The following LRP1B variants were observed in gnomAD, a reference collection of about 807,000 sequenced individuals.
LRP1B encodes the protein low-density lipoprotein receptor-related protein 1B.
Under a neutral mutation model 556.6 loss-of-function variants are expected in LRP1B, and 217 were observed. That is an observed-to-expected ratio of 0.39 (90% CI 0.35 to 0.44). The LOEUF is 0.44. Among genes scored for constraint, LRP1B ranks in the 20% least tolerant of loss-of-function variants. LRP1B has a pLI of 1.00. For synonymous variants in LRP1B, 2,047 were observed against 1,865.8 expected (o/e 1.10, Z -2.50); for missense variants, 5,053 against 5,620.8 (o/e 0.90, Z 3.23).
chr2:141,994,605 G>T (rs918984055), intron 1 of LRP1B, among the ~76,000 whole-genome samples: 2 of 152,128 alleles, frequency 1.3e-5, no homozygotes, highest in African/African-American at 4.8e-5. Context: ...AATGGTGAGT[G>T]CAAGAGACTA....
chr2:140,716,606 A>G lies in LRP1B; in HGVS notation c.5893+76T>C, dbSNP rs578150005. 17 of 1,433,844 alleles carry G rather than the reference A, an allele frequency of 1.2e-5. No homozygotes were observed. The Admixed American group carries it at 3.9e-4, about 33-fold the overall frequency. The allele number at this position is 1,433,844 out of a possible 1,614,324, so 88.8% of individuals were successfully genotyped here. A position where few individuals can be genotyped will look rare whatever the true frequency, so the allele number is the denominator to read the frequency against. On this transcript the variant is annotated intron_variant, in intron 36 of 90. Transcript: ENST00000389484. Reference sequence around the variant, plus strand: ...ATAAAAGCACTGTTATGAGTTAGAAAAGATTTTTTATGAAGCAGTTTGAGC... The same window carrying G: ...ATAAAAGCACTGTTATGAGTTAGAAGAGATTTTTTATGAAGCAGTTTGAGC...
rs1270074160 is a variant in LRP1B, at chr2:140,456,519, C to T, written c.9899G>A (p.Cys3300Tyr). 1 of 1,613,372 alleles carries T rather than the reference C, an allele frequency of 6.2e-7. No individual in the cohort carries two copies. The highest frequency in any genetic ancestry group is 8.5e-7 in the Non-Finnish European group (1 of 1,179,546). Reference protein sequence around the residue: ...LAPGKTHTCACPTNFYLAADN... With the variant: ...LAPGKTHTCAYPTNFYLAADN... ...AGCTGCCAGATAGAAGTTAGTGGGA[C>T]ATGCACAAGTGTGGGTTTTTCCAGG... is the stretch of plus-strand genomic sequence containing the variant. Residue 3300 changes from cysteine to tyrosine, a missense_variant, in exon 62 of 91, where the codon TGT (cysteine) becomes TAT (tyrosine). Around this residue, in one of 5 missense-constraint regions of LRP1B, gnomAD observed 262 missense variants for 395.1 expected, o/e 0.66. Transcript: ENST00000389484.
At chr2:140,339,733 T>C (rs972800391) in intron 77 of LRP1B, among the ~76,000 whole-genome samples, 1 of 151,692 alleles carries the variant, frequency 6.6e-6, no homozygotes, top group Admixed American at 6.6e-5. Flanking sequence ...AGTAATGTTA[T>C]TAAAATATCC....
At chr2:140,749,358 CT>C (rs1283573333) in intron 35 of LRP1B, among the ~76,000 whole-genome samples, 3 of 141,540 alleles carry the variant, frequency 2.1e-5, no homozygotes, top group Admixed American at 7.2e-5. Flanking sequence ...AACTTTTTTC[CT>C]TTCTAAACTT....
At chr2:142,117,926 TA>T (rs1176546088) in intron 1 of LRP1B, among the ~76,000 whole-genome samples, 1 of 152,090 alleles carries the variant, frequency 6.6e-6, no homozygotes, top group Non-Finnish European at 1.5e-5. Flanking sequence ...TTTTAATCCA[TA>T]AAGATCAGTC....
At chr2:140,791,018 G>A (rs1331315378) in intron 32 of LRP1B, among the ~76,000 whole-genome samples, 2 of 151,590 alleles carry the variant, frequency 1.3e-5, no homozygotes, top group African/African-American at 4.9e-5. Context: ...GACTTTGGGA[G>A]GCCGAGGAGG....
chr2:140,336,685 A>G (rs1176607458), intron 77 of LRP1B, among the ~76,000 whole-genome samples: 4 of 151,922 alleles, frequency 2.6e-5, no homozygotes, highest in Non-Finnish European at 5.9e-5. Flanking sequence ...TCTGTTATTT[A>G]TCTTACATTT....
intron 3 of LRP1B, among the ~76,000 whole-genome samples, chr2:141,473,218 A>G (rs1682546408): frequency 6.6e-6 from 1 of 152,228 alleles, no homozygotes; most frequent in African/African-American, 2.4e-5. Flanking sequence ...AGTCCCTGAA[A>G]AAATGAACAT....
At chr2:140,737,138 C>A (rs1438196018) in intron 35 of LRP1B, among the ~76,000 whole-genome samples, 1 of 152,092 alleles carries the variant, frequency 6.6e-6, no homozygotes, top group Non-Finnish European at 1.5e-5. Context: ...AGATCTCAGA[C>A]CTAAATGAAT....
At chr2:141,167,244 T>C (rs1470759829) in intron 7 of LRP1B, 4 of 151,888 alleles carry the variant, frequency 2.6e-5, no homozygotes, top group Non-Finnish European at 4.4e-5. Context: ...AATGCAATTT[T>C]AATAAAAATA....
chr2:140,673,944 C>CTTTTTTTTTTT (rs150017745), intron 41 of LRP1B, among the ~76,000 whole-genome samples: 1 of 140,830 alleles, frequency 7.1e-6, no homozygotes, highest in Non-Finnish European at 1.6e-5. Flanking sequence ...TTTCTTTTTT[C>CTTTTTTTTTTT]TTTTTTTTTT....
intron 3 of LRP1B, among the ~76,000 whole-genome samples, chr2:141,403,199 T>C (rs1168561398): frequency 6.6e-6 from 1 of 152,084 alleles, no homozygotes; most frequent in Non-Finnish European, 1.5e-5. Context: ...GAAAAAAATA[T>C]CCACTAAACT....
intron 41 of LRP1B, among the ~76,000 whole-genome samples, chr2:140,605,456 C>T (rs1475121136): frequency 6.6e-6 from 1 of 152,130 alleles, no homozygotes; most frequent in Non-Finnish European, 1.5e-5. Context: ...ACACTACTTA[C>T]TGAAATTGTG....
chr2:141,924,269 T>G (rs1477397969), intron 1 of LRP1B, among the ~76,000 whole-genome samples: 1 of 151,970 alleles, frequency 6.6e-6, no homozygotes, highest in East Asian at 2.0e-4. Flanking sequence ...GGAGTACAGC[T>G]GGGAGTGGTC....
chr2:141,096,531 C>T (rs901487369), intron 7 of LRP1B, among the ~76,000 whole-genome samples: 12 of 151,268 alleles, frequency 7.9e-5, no homozygotes, highest in African/African-American at 2.2e-4. Context: ...TGTAACACAC[C>T]TATCTGTGAT....
intron 1 of LRP1B, among the ~76,000 whole-genome samples, chr2:142,003,771 C>A (rs1702726167): frequency 2.0e-5 from 3 of 152,202 alleles, no homozygotes; most frequent in Admixed American, 2.0e-4. Flanking sequence ...AGGCCCCTGA[C>A]AGTCTTTAAG....
intron 41 of LRP1B, among the ~76,000 whole-genome samples, chr2:140,673,711 C>T (rs1050507439): frequency 1.3e-5 from 2 of 152,132 alleles, no homozygotes; most frequent in Admixed American, 6.5e-5. Context: ...GGACCCCCTT[C>T]TCAGTCAAGG....
rs1706881415 is a variant in LRP1B at position 142,109,439 on chromosome 2, T to C, written c.82+21209A>G. ...CACCCTAGAAATGTTTTAATTTCTT[T>C]TTCTCCTATTTTTACAACATTAGAA... On this transcript the variant is annotated intron_variant, in intron 1 of 90. Transcript: ENST00000389484. Among the ~76,000 whole-genome samples, 2 of 152,160 alleles carry C rather than the reference T, an allele frequency of 1.3e-5. 1 individual carries two copies. The highest frequency in any genetic ancestry group is 4.1e-4 in the South Asian group (2 of 4,838).
At chr2:141,519,860 T>C (rs910937322) in intron 2 of LRP1B, among the ~76,000 whole-genome samples, 2 of 152,152 alleles carry the variant, frequency 1.3e-5, no homozygotes, top group African/African-American at 4.8e-5. Flanking sequence ...ATGCTTGGCC[T>C]TTTTACACTG....
Sources: allele counts gnomAD v4.1 joint callset (sites outside exome capture counted in the v4.1 genomes callset), GRCh38; gene constraint gnomAD v4.1.1; regional missense constraint gnomAD v4.1.1; transcripts MANE v1.5; gene names NCBI Gene and HGNC (gene_info 2026-07-23, HGNC 2026-07-21).